Variants in KCP observed in about 807,000 individuals in gnomAD.
The protein encoded by KCP is kielin/chordin-like protein.
A neutral mutation model predicts 212.7 loss-of-function variants in KCP; 194 were observed. The observed-to-expected ratio is 0.91, with a 90% CI of 0.81 to 1.03. The LOEUF (loss-of-function observed/expected upper bound fraction) is 1.03. Ranked by LOEUF, KCP falls within the 50% of genes least tolerant of loss-of-function variation. KCP has a pLI of 0.00. For synonymous variants in KCP, 833 were observed against 865.3 expected, an observed-to-expected ratio of 0.96 and a Z score of 0.65; for missense variants, 2,080 against 2,162.5, an observed-to-expected ratio of 0.96 and a Z score of 0.76.
intron 17 of KCP, 23 bp from the exon 18 acceptor site, chr7:128,891,556 C>T: frequency 6.5e-7 from 1 of 1,544,476 alleles, no homozygotes. Context: ...GGGGCTATAG[C>T]CTGGGAGAGG....
At position 128,884,845 on chromosome 7, in the gene KCP, C is replaced by T. The variant is rs1009928082; in HGVS notation, c.3059G>A (p.Arg1020Gln). The T allele has an allele frequency of 3.9e-6, 6 of 1,550,862 alleles. No individual in the cohort carries two copies. The highest frequency in any genetic ancestry group is 1.4e-5 in the African/African-American group (1 of 73,036). ...PQCSDCEHEG[R>Q]KYEPGESFQP... Reference sequence around the variant, plus strand: ...GAAGCTCTCCCCAGGCTCGTACTTCCGGCCCTCATGCTCACAGTCTTTGGG... The same window carrying T: ...GAAGCTCTCCCCAGGCTCGTACTTCTGGCCCTCATGCTCACAGTCTTTGGG... The change falls in exon 28 of 40, where the codon CGG (arginine) becomes CAG (glutamine). Residue 1020 changes from arginine to glutamine, a missense_variant. By Grantham distance (43) the Arg-to-Gln change is conservative. Coordinates refer to ENST00000610776, the MANE Select transcript of KCP (RefSeq NM_001366122.1).
chr7:128,887,142 G>T, intron 23 of KCP, 73 bp downstream of exon 23: 2 of 1,342,352 alleles, frequency 1.5e-6, no homozygotes, highest in Non-Finnish European at 2.1e-6. Context: ...GAGTGGAGGA[G>T]ACAGCCTCTT....
chr7:128,877,770 A>G lies in KCP; in HGVS notation c.4332T>C (p.Pro1444=), dbSNP rs1793083656. 1 of 1,549,280 alleles carries G rather than the reference A, an allele frequency of 6.5e-7. No homozygotes were observed. Among genetic ancestry groups the G allele is most frequent in the Non-Finnish European group, 8.7e-7 (1 of 1,146,302 alleles). The change falls in exon 39 of 40, where the codon CCT becomes CCC. Residue 1444 remains proline, a synonymous_variant. Coordinates refer to ENST00000610776, the MANE Select transcript of KCP (RefSeq NM_001366122.1). ...NSWQVSEGLW[P]GRPCSAGREV... ...CTCGGCCTGCAGAACAGGGCCGGCC[A>G]GGCCACAGCCCCTCTGAGACCTGGG...
intron 32 of KCP, 63 bp downstream of exon 32, chr7:128,880,934 T>G (rs1301259370): frequency 2.5e-6 from 1 of 398,932 alleles, no homozygotes. Context: ...GGTGGAGTGT[T>G]GGACACTCCT....
intron 23 of KCP, 104 bp downstream of exon 23, chr7:128,887,111 A>G (rs1399718215): frequency 2.7e-6 from 3 of 1,129,344 alleles, no homozygotes; most frequent in Non-Finnish European, 3.9e-6. Context: ...TGTGAAGGGC[A>G]GAGTGTAGCC....
chr7:128,887,921 A>T (rs999620181), intron 22 of KCP, among the ~76,000 whole-genome samples: 2 of 150,476 alleles, frequency 1.3e-5, no homozygotes, highest in Non-Finnish European at 3.0e-5. Context: ...ACACCCACAC[A>T]CACAGCCATA....
intron 20 of KCP, among the ~76,000 whole-genome samples, 176 bp from the exon 21 acceptor site, chr7:128,890,689 TCCGTGGAGGATGGGTGTCGTGG>T (rs1286992118): frequency 1.0e-4 from 9 of 88,366 alleles, no homozygotes; most frequent in African/African-American, 4.0e-4. Context: ...GAGGCTGAGG[TCCGTGGAGGATGGGTGTCGTGG>T]GGGGCTGGGG....
chr7:128,880,198 T>C, intron 34 of KCP, 113 bp from the exon 35 acceptor site: 3 of 1,332,902 alleles, frequency 2.3e-6, no homozygotes, highest in Non-Finnish European at 3.0e-6. Flanking sequence ...TCCAGGACTC[T>C]GGCTCCCAGG....
intron 22 of KCP, among the ~76,000 whole-genome samples, chr7:128,888,617 CACACACACACATACAG>C (rs1297739602): frequency 6.9e-6 from 1 of 144,170 alleles, no homozygotes; most frequent in African/African-American, 2.6e-5. Flanking sequence ...CAGCCAGACA[CACACACACACATACAG>C]ACACACACAC....
chr7:128,890,131 G>C, intron 21 of KCP: 1 of 765,744 alleles, frequency 1.3e-6, no homozygotes, highest in Non-Finnish European at 2.1e-6. Context: ...TGTTGCCCAG[G>C]CTGGTCTTGA....
In KCP at chr7:128,879,743, C is replaced by T. The variant is rs903908377; in HGVS notation, c.4019G>A (p.Arg1340Gln). The T allele has an allele frequency of 1.0e-5, 16 of 1,550,208 alleles. No individual in the cohort carries two copies. The East Asian group carries it at 1.2e-4, about 12-fold the overall frequency. Residue 1340 changes from arginine (R) to glutamine (Q), a missense_variant, in exon 36 of 40, where the codon CGG (arginine) becomes CAG (glutamine). Physicochemically the swap from Arg to Gln is conservative, Grantham distance 43. Transcript: ENST00000610776. ...CGTGACTGCCCCGTCCTGCAGCAGC[C>T]GCACGGCCATGTCTCCCAGCAGCAC... ...VAVLLGDMAVRLLQDGAVTVD... is the reference protein window; with the variant it reads ...VAVLLGDMAVQLLQDGAVTVD...
Position 128,890,916 on chromosome 7 carries a change from G to A in KCP, c.2153C>T (p.Pro718Leu). The change falls in exon 20 of 40, where the codon CCC becomes CTC. Residue 718 changes from proline (P) to leucine (L), a missense_variant. Physicochemically the swap from Pro to Leu is moderately conservative, Grantham distance 98. Transcript: ENST00000610776. The stretch of plus-strand genomic sequence containing the variant: ...CGCCAGGGCGTTACCGTCGCAGGAG[G>A]GGCAGCAAGGCCCCTGGCGCGGGTG... ...CAHPRQGPCC[P>L]SCDGCLYQGK... The A allele has an allele frequency of 1.6e-6, 2 of 1,246,784 alleles. No homozygotes were observed. Among genetic ancestry groups the A allele is most frequent in the East Asian group, 3.3e-5 (1 of 30,736 alleles). The allele number at this position is 1,246,784 out of a possible 1,614,324, so 77.2% of individuals were successfully genotyped here. A position where few individuals can be genotyped will look rare whatever the true frequency, so the allele number is the denominator to read the frequency against.
chr7:128,903,830 A>G lies in KCP; in HGVS notation c.655-10T>C, dbSNP rs1027368345. Reference sequence around the variant, plus strand: ...AGCGAACTCGGCTCCTCTGTAATGCACCAGTGGCTGTGAGGCTTCAGGTCT... The same window carrying G: ...AGCGAACTCGGCTCCTCTGTAATGCGCCAGTGGCTGTGAGGCTTCAGGTCT... On this transcript the variant is annotated splice_polypyrimidine_tract_variant and intron_variant, in intron 6 of 39. Transcript: ENST00000610776. 1.2e-5 allele frequency: 16 copies of G among 1,281,324 alleles called. No homozygotes were observed. The African/African-American group carries it at 2.2e-4, about 17-fold the overall frequency. The allele number at this position is 1,281,324 out of a possible 1,614,324, so 79.4% of individuals were successfully genotyped here. A position where few individuals can be genotyped will look rare whatever the true frequency, so the allele number is the denominator to read the frequency against.
rs1478920301 is a variant in KCP at position 128,880,512 on chromosome 7, G to A, written c.3633C>T (p.Cys1211=). The A allele has an allele frequency of 1.2e-5, 18 of 1,509,452 alleles. No homozygotes were observed. Among genetic ancestry groups the A allele is most frequent in the Middle Eastern group, 2.1e-4 (1 of 4,790 alleles). 93.5% of individuals were successfully genotyped at this position (1,509,452 alleles called of 1,614,324 possible). A position where few individuals can be genotyped will look rare whatever the true frequency, so the allele number is the denominator to read the frequency against. Residue 1211 remains cysteine (C), a synonymous_variant, in exon 34 of 40, where the codon TGC becomes TGT. Transcript: ENST00000610776. The part of the protein sequence containing the change: ...CERCQAPTQS[C]VHQGREVASG... Reference sequence around the variant, plus strand: ...AGGCCACCTCACGGCCCTGGTGCACGCAGGACTGGGTGGGAGCTGAAGGGA... The same window carrying A: ...AGGCCACCTCACGGCCCTGGTGCACACAGGACTGGGTGGGAGCTGAAGGGA...
chr7:128,879,815 T>A lies in KCP; in HGVS notation c.3947A>T (p.Asn1316Ile). 1 of 1,550,852 alleles carries A rather than the reference T, an allele frequency of 6.4e-7. No homozygotes were observed. The highest frequency in any genetic ancestry group is 8.7e-7 in the Non-Finnish European group (1 of 1,146,950). Residue 1316 changes from asparagine to isoleucine, a missense_variant, in exon 36 of 40, where the codon AAT becomes ATT. Coordinates refer to ENST00000610776, the MANE Select transcript of KCP (RefSeq NM_001366122.1). Reference sequence around the variant, plus strand: ...CACACCGCTCCGGCCCCGGTCATCATTGGTCACGTGCACACTGTGGGCAGG... The same window carrying A: ...CACACCGCTCCGGCCCCGGTCATCAATGGTCACGTGCACACTGTGGGCAGG... The part of the protein sequence containing the change: ...HSGDFSVHVT[N>I]DDRGRSGVAW...
intron 26 of KCP, among the ~76,000 whole-genome samples, chr7:128,885,471 A>G (rs1793595261): frequency 6.6e-6 from 1 of 152,140 alleles, no homozygotes; most frequent in African/African-American, 2.4e-5. Flanking sequence ...CCTGGGTTCT[A>G]ATCCTGTTCT....
chr7:128,901,139 C>T (rs1333865683), intron 8 of KCP, among the ~76,000 whole-genome samples: 1 of 152,178 alleles, frequency 6.6e-6, no homozygotes, highest in East Asian at 1.9e-4. Context: ...ATACTCCCAC[C>T]AGGGCCATGA....
chr7:128,907,015 G>T, intron 4 of KCP, 86 bp downstream of exon 4: 3 of 1,314,260 alleles, frequency 2.3e-6, no homozygotes, highest in African/African-American at 1.5e-5. Flanking sequence ...CCCATTATGC[G>T]ACATCTTGAG....
intron 8 of KCP, among the ~76,000 whole-genome samples, chr7:128,899,665 TTCTC>T (rs1221131934): frequency 1.3e-5 from 2 of 152,244 alleles, no homozygotes; most frequent in African/African-American, 4.8e-5. Context: ...GCATATTTAT[TTCTC>T]TCTACCTAAT....
Sources: allele counts gnomAD v4.1 joint callset (sites outside exome capture counted in the v4.1 genomes callset), GRCh38; gene constraint gnomAD v4.1.1; transcripts MANE v1.5; gene names NCBI Gene and HGNC (gene_info 2026-07-23, HGNC 2026-07-21).